Variants in ASGR2 observed in about 807,000 individuals in gnomAD.
ASGR2 encodes the protein asialoglycoprotein receptor 2.
ASGR2 carries 34 observed loss-of-function variants against 32.3 expected under a neutral mutation model. The observed-to-expected ratio is 1.05, with a 90% CI of 0.80 to 1.40. The LOEUF (loss-of-function observed/expected upper bound fraction) is 1.40, where lower values mean the gene tolerates loss of function less well. ASGR2 is among the 40% of genes most tolerant of loss of function. The pLI is 0.00. For synonymous variants in ASGR2, 143 were observed against 150.0 expected (o/e 0.95, Z 0.34); for missense variants, 385 against 386.4 (o/e 1.00, Z 0.03).
chr17:7,114,571 T>C lies in ASGR2; in HGVS notation c.-71+44A>G, dbSNP rs1915238364. 1.7e-5 allele frequency: 19 copies of C among 1,100,774 alleles called. No homozygotes were observed. Among genetic ancestry groups the C allele is most frequent in the Non-Finnish European group, 2.0e-5 (18 of 901,026 alleles). The allele number at this position is 1,100,774 out of a possible 1,614,324, so 68.2% of individuals were successfully genotyped here. On this transcript the variant is annotated intron_variant, in intron 1 of 8. Coordinates refer to ENST00000691900, the MANE Select transcript of ASGR2 (RefSeq NM_001201352.2). This position sits in a 1 kb window ranked among gnomAD's most constrained non-coding sequence, Gnocchi z 4.5. ...CCATCCCTGAACCAAGGCCTCCTTG[T>C]TCCCAAGCATCCTCGTCCCAGTTGC... is the stretch of plus-strand genomic sequence containing the variant.
Position 7,101,719 on chromosome 17 carries a change from T to G in ASGR2, c.777A>C (p.Pro259=). Residue 259 remains proline, a synonymous_variant, in exon 9 of 9, where the codon CCA becomes CCC. Transcript: ENST00000691900. ...CCAGCTCGTGCCCGTGCCAATTATC[T>G]GGCTGAGTGACAGCCCAGTTCCTAA... The part of the protein sequence containing the change: ...HNYKNWAVTQ[P]DNWHGHELGG... 6.2e-7 allele frequency: 1 copy of G among 1,614,136 alleles called. No homozygotes were observed. Among genetic ancestry groups the G allele is most frequent in the African/African-American group, 1.3e-5 (1 of 75,072 alleles).
intron 2 of ASGR2, among the ~76,000 whole-genome samples, chr17:7,112,743 G>A (rs989552330): frequency 2.0e-5 from 3 of 151,860 alleles, no homozygotes; most frequent in African/African-American, 4.8e-5. Flanking sequence ...GCCCAGCACC[G>A]GCCCTCCCTC....
chr17:7,108,039 C>T lies in ASGR2; in HGVS notation c.338-132G>A, dbSNP rs554174688. The T allele has an allele frequency of 7.6e-5, 69 of 906,208 alleles. No individual in the cohort carries two copies. In the South Asian group the frequency reaches 9.3e-4, roughly 12 times the overall value. The allele number at this position is 906,208 out of a possible 1,614,324, so 56.1% of individuals were successfully genotyped here. ...CCTGGCTTCCTGGACCACACCCAGG[C>T]TCCCTGCACTGCCACAGTGGCTCAG... is the stretch of plus-strand genomic sequence containing the variant. On this transcript the variant is annotated intron_variant, in intron 4 of 8. Transcript: ENST00000691900. This position sits in a 1 kb window ranked among gnomAD's most constrained non-coding sequence, Gnocchi z 4.9.
Position 7,114,301 on chromosome 17 carries a change from AGGGCTG to A in ASGR2, c.-67_-62del. 7.4e-7 allele frequency: 1 copy of A among 1,354,552 alleles called. No homozygotes were observed. Among genetic ancestry groups the A allele is most frequent in the South Asian group, 1.2e-5 (1 of 86,890 alleles). 83.9% of individuals were successfully genotyped at this position (1,354,552 alleles called of 1,614,324 possible). A position where few individuals can be genotyped will look rare whatever the true frequency, so the allele number is the denominator to read the frequency against. On this transcript the variant is annotated 5_prime_UTR_variant, in exon 2 of 9. Transcript: ENST00000691900. This position sits in a 1 kb window ranked among gnomAD's most constrained non-coding sequence, Gnocchi z 4.5. ...GCTGGGCTGGGCTGAGGTTGCTCTG[AGGGCTG>A]GGGCTGGGGCAGAGGTGCAGATTCA...
rs556229484 is a variant in ASGR2, at chr17:7,108,479, T to C, written c.320A>G (p.Gln107Arg). The C allele has an allele frequency of 1.9e-4, 312 of 1,605,926 alleles. 3 individuals are homozygous for C. The South Asian group carries it at 3.0e-3, about 15-fold the overall frequency. The part of the protein sequence containing the change: ...NFSSSTLTEV[Q>R]AISTHGGSVG... The stretch of plus-strand genomic sequence containing the variant: ...CCCCTCACCGTGGGTGCTGATTGCC[T>C]GGACCTCCGTCAGGGTGCTCGAGGA... The change falls in exon 4 of 9, where the codon CAG (glutamine) becomes CGG (arginine). Residue 107 changes from glutamine (Q) to arginine (R), a missense_variant. Transcript: ENST00000691900. This position sits in a 1 kb window ranked among gnomAD's most constrained non-coding sequence, Gnocchi z 4.9.
intron 2 of ASGR2, among the ~76,000 whole-genome samples, chr17:7,110,317 C>T (rs1597390535): frequency 6.6e-6 from 1 of 151,974 alleles, no homozygotes; most frequent in East Asian, 1.9e-4. Flanking sequence ...CCCCTTCCTC[C>T]AAGGCCTTTG....
At chr17:7,101,889 G>C in intron 8 of ASGR2, 149 bp from the exon 9 acceptor site, 9 of 1,191,194 alleles carry the variant, frequency 7.6e-6, no homozygotes, top group Non-Finnish European at 1.1e-5. Flanking sequence ...CCCAACCGCA[G>C]AGAAAGATGT....
In ASGR2 at chr17:7,114,352, A is replaced by G; in HGVS notation, c.-70-42T>C. The G allele has an allele frequency of 1.4e-6, 1 of 726,276 alleles. No individual in the cohort carries two copies. The allele number at this position is 726,276 out of a possible 1,614,324, so 45.0% of individuals were successfully genotyped here. A position where few individuals can be genotyped will look rare whatever the true frequency, so the allele number is the denominator to read the frequency against. ...GATTCACGTGGAGGTTGATGGTGGG[A>G]TGGAACGCAGGGTCGGAGGGGTTCG... On this transcript the variant is annotated intron_variant, in intron 1 of 8. Transcript: ENST00000691900. The surrounding 1 kb of genome is among the most constrained non-coding windows in gnomAD (Gnocchi z 4.5).
chr17:7,112,471 A>G (rs1914842172), intron 2 of ASGR2, among the ~76,000 whole-genome samples: 1 of 152,126 alleles, frequency 6.6e-6, no homozygotes, highest in African/African-American at 2.4e-5. Flanking sequence ...CCTCTCTCCA[A>G]GCCTCCTGCT....
chr17:7,105,457 C>A (rs903590564), intron 7 of ASGR2, among the ~76,000 whole-genome samples: 1 of 152,040 alleles, frequency 6.6e-6, no homozygotes, highest in African/African-American at 2.4e-5. Context: ...GCGGGCGAAT[C>A]GCTTGAGGCC....
Position 7,101,424 on chromosome 17 carries a change from G to A in ASGR2, c.*151C>T. The A allele has an allele frequency of 2.1e-6, 2 of 963,832 alleles. No homozygotes were observed. Among genetic ancestry groups the A allele is most frequent in the South Asian group, 2.0e-5 (1 of 50,588 alleles). 59.7% of individuals were successfully genotyped at this position (963,832 alleles called of 1,614,324 possible). ...AGGAGGTGGGATCTCAGTCCTCCAG[G>A]GTCAGGGACTCTTAAACTACCTCCT... On this transcript the variant is annotated 3_prime_UTR_variant, in exon 9 of 9. Coordinates refer to ENST00000691900, the MANE Select transcript of ASGR2 (RefSeq NM_001201352.2).
chr17:7,114,403 G>A lies in ASGR2; in HGVS notation c.-70-93C>T, dbSNP rs1164277039. 2 of 1,436,444 alleles carry A rather than the reference G, an allele frequency of 1.4e-6. No individual in the cohort carries two copies. The highest frequency in any genetic ancestry group is 2.9e-5 in the African/African-American group (2 of 69,634). 89.0% of individuals were successfully genotyped at this position (1,436,444 alleles called of 1,614,324 possible). On this transcript the variant is annotated intron_variant, in intron 1 of 8. Coordinates refer to ENST00000691900, the MANE Select transcript of ASGR2 (RefSeq NM_001201352.2). This position sits in a 1 kb window ranked among gnomAD's most constrained non-coding sequence, Gnocchi z 4.5. The stretch of plus-strand genomic sequence containing the variant: ...GGGTGGTGGCCTGGGTAGGATCTGA[G>A]GTTGGCAGGGCGTTTGGGATGAGGT...
Position 7,108,470 on chromosome 17 carries a change from C to T in ASGR2, c.329G>A (p.Ser110Asn). 1 of 1,603,178 alleles carries T rather than the reference C, an allele frequency of 6.2e-7. No individual in the cohort carries two copies. The highest frequency in any genetic ancestry group is 8.5e-7 in the Non-Finnish European group (1 of 1,174,952). ...SSTLTEVQAI[S>N]THGGSVGDKI... is the part of the protein sequence containing the mutation. ...GCCGTCCAGCCCCTCACCGTGGGTG[C>T]TGATTGCCTGGACCTCCGTCAGGGT... is the stretch of plus-strand genomic sequence containing the variant. Residue 110 changes from serine (S) to asparagine (N), a missense_variant, in exon 4 of 9, where the codon AGC (serine) becomes AAC (asparagine). Transcript: ENST00000691900. The surrounding 1 kb of genome is among the most constrained non-coding windows in gnomAD (Gnocchi z 4.9).
chr17:7,107,418 C>A lies in ASGR2; in HGVS notation c.410-101G>T. 8.2e-7 allele frequency: 1 copy of A among 1,223,384 alleles called. No homozygotes were observed. Among genetic ancestry groups the A allele is most frequent in the Non-Finnish European group, 1.2e-6 (1 of 860,284 alleles). 75.8% of individuals were successfully genotyped at this position (1,223,384 alleles called of 1,614,324 possible). A position where few individuals can be genotyped will look rare whatever the true frequency, so the allele number is the denominator to read the frequency against. On this transcript the variant is annotated intron_variant, in intron 5 of 8. Transcript: ENST00000691900. This position sits in a 1 kb window ranked among gnomAD's most constrained non-coding sequence, Gnocchi z 5.0. ...GCATATACACCCACAGACACGTACA[C>A]CATGCATAGACCACACCACACACCA...
intron 7 of ASGR2, 23 bp downstream of exon 7, chr17:7,106,976 TG>T (rs1474530191): frequency 6.2e-7 from 1 of 1,612,826 alleles, no homozygotes; most frequent in East Asian, 2.2e-5. Flanking sequence ...GGCTTCCTCC[TG>T]CCTGTGGGAA....
At chr17:7,111,621 A>C (rs2151733716) in intron 2 of ASGR2, among the ~76,000 whole-genome samples, 1 of 150,360 alleles carries the variant, frequency 6.7e-6, no homozygotes, top group African/African-American at 2.5e-5. Flanking sequence ...GCGCCACTGC[A>C]CTCCGGCCTG....
intron 2 of ASGR2, among the ~76,000 whole-genome samples, chr17:7,111,789 C>T (rs1205005867): frequency 2.6e-5 from 4 of 151,068 alleles, no homozygotes; most frequent in East Asian, 2.0e-4. Flanking sequence ...TTTGGGAGGT[C>T]GACACGGGGG....
In ASGR2 at chr17:7,107,478, A is replaced by C; in HGVS notation, c.410-161T>G. On this transcript the variant is annotated intron_variant, in intron 5 of 8. Coordinates refer to ENST00000691900, the MANE Select transcript of ASGR2 (RefSeq NM_001201352.2). The surrounding 1 kb of genome is among the most constrained non-coding windows in gnomAD (Gnocchi z 5.0). ...CACACCACAGACATGTACACCACAC[A>C]TAGACCACACCACACACAGATCCAT... 1.4e-6 allele frequency: 1 copy of C among 724,042 alleles called. No individual in the cohort carries two copies. Among genetic ancestry groups the C allele is most frequent in the Admixed American group, 2.3e-5 (1 of 43,622 alleles). 44.9% of individuals were successfully genotyped at this position (724,042 alleles called of 1,614,324 possible).
At position 7,107,825 on chromosome 17, in the gene ASGR2, G is replaced by A. The variant is rs62058755; in HGVS notation, c.409+11C>T. ...CACGCACATGCGCACACACCCCGGAGGCTCTCTGACCTGCTTTCAGGTCCT... is the reference window on the plus strand; with the variant it reads ...CACGCACATGCGCACACACCCCGGAAGCTCTCTGACCTGCTTTCAGGTCCT... On this transcript the variant is annotated intron_variant, in intron 5 of 8. Coordinates refer to ENST00000691900, the MANE Select transcript of ASGR2 (RefSeq NM_001201352.2). The surrounding 1 kb of genome is among the most constrained non-coding windows in gnomAD (Gnocchi z 5.0). 0.38 allele frequency: 613,267 copies of A among 1,611,362 alleles called. 120,223 individuals are homozygous for A. Among genetic ancestry groups the A allele is most frequent in the South Asian group, 0.42 (38,652 of 90,990 alleles).
Sources: allele counts gnomAD v4.1 joint callset (sites outside exome capture counted in the v4.1 genomes callset), GRCh38; gene constraint gnomAD v4.1.1; non-coding constraint Gnocchi (gnomAD v3.1); transcripts MANE v1.5; gene names NCBI Gene and HGNC (gene_info 2026-07-23, HGNC 2026-07-21).